Variants in HEPHL1 observed in about 807,000 individuals in gnomAD.
HEPHL1 encodes the protein hephaestin like 1.
Under a neutral mutation model 122.0 loss-of-function variants are expected in HEPHL1, and 123 were observed. The observed-to-expected ratio is 1.01, with a 90% confidence interval of 0.87 to 1.17. The LOEUF is 1.17. Among genes scored for constraint, HEPHL1 ranks in the 50% most tolerant of loss-of-function variants. The pLI is 0.00. For synonymous variants in HEPHL1, 527 were observed against 508.9 expected, an observed-to-expected ratio of 1.04 and a Z score of -0.48; for missense variants, 1,452 against 1,430.5, an observed-to-expected ratio of 1.01 and a Z score of -0.24.
At chr11:94,106,498 T>C (rs1222579537) in intron 17 of HEPHL1, among the ~76,000 whole-genome samples, 1 of 152,028 alleles carries the variant, frequency 6.6e-6, no homozygotes, top group Non-Finnish European at 1.5e-5. Context: ...GGTTTCACCA[T>C]GTTAGCCAGG....
At chr11:94,095,008 G>T (rs547420839) in intron 13 of HEPHL1, among the ~76,000 whole-genome samples, 3 of 151,980 alleles carry the variant, frequency 2.0e-5, no homozygotes, top group Non-Finnish European at 4.4e-5. Context: ...AATTAGATAC[G>T]ATTTGTCAAT....
chr11:94,111,611 G>A lies in HEPHL1; in HGVS notation c.3277+6G>A. The stretch of plus-strand genomic sequence containing the variant: ...AGCCACGGTGCCATCTAACGGTAAT[G>A]ATACCCTCTCCCCATGTAAATGAGT... On this transcript the variant is annotated splice_donor_region_variant and intron_variant, in intron 19 of 19. Transcript: ENST00000315765. 3 of 1,606,992 alleles carry A rather than the reference G, an allele frequency of 1.9e-6. No individual in the cohort carries two copies. Among genetic ancestry groups the A allele is most frequent in the Non-Finnish European group, 2.6e-6 (3 of 1,176,326 alleles).
At chr11:94,042,883 A>AAAAAAAACAAACAAAC (rs1555058781) in intron 1 of HEPHL1, among the ~76,000 whole-genome samples, 2 of 132,398 alleles carry the variant, frequency 1.5e-5, no homozygotes, top group African/African-American at 5.6e-5. Context: ...AATAAAAAAA[A>AAAAAAAACAAACAAAC]AAAAAAAAAA....
chr11:94,023,855 C>T (rs893137331), intron 1 of HEPHL1, among the ~76,000 whole-genome samples: 3 of 152,116 alleles, frequency 2.0e-5, no homozygotes, highest in Non-Finnish European at 2.9e-5. Flanking sequence ...TCAGTGATCC[C>T]ATCAGTGCTA....
rs568612189 is a variant in HEPHL1, at chr11:94,073,433, C to G, written c.1498C>G (p.Leu500Val). The G allele has an allele frequency of 1.0e-4, 156 of 1,553,202 alleles. No individual in the cohort carries two copies. The highest frequency in any genetic ancestry group is 9.8e-4 in the Admixed American group (50 of 51,046). ...CAAGGCATCTGATGCAGCCCCAAACCTAGATGGTAAGTCTCACTCTGGGCT... is the reference window on the plus strand; with the variant it reads ...CAAGGCATCTGATGCAGCCCCAAACGTAGATGGTAAGTCTCACTCTGGGCT... ...YDKASDAAPNLDGFVKPGAHV... is the reference protein window; with the variant it reads ...YDKASDAAPNVDGFVKPGAHV... The change falls in exon 8 of 20, where the codon CTA becomes GTA. Residue 500 changes from leucine (L) to valine (V), a missense_variant. Physicochemically the swap from Leu to Val is conservative, Grantham distance 32 (BLOSUM62 1). Transcript: ENST00000315765.
chr11:94,093,547 C>G lies in HEPHL1; in HGVS notation c.2341C>G (p.Gln781Glu), dbSNP rs779636359. The G allele has an allele frequency of 6.2e-7, 1 of 1,613,684 alleles. No individual in the cohort carries two copies. Among genetic ancestry groups the G allele is most frequent in the South Asian group, 1.1e-5 (1 of 91,054 alleles). ...CCGCACTGAAAATTGGATTGGCTCT[C>G]AGTACAAGAAGGTGGTTTACAGGGA... ...MNRTENWIGS[Q>E]YKKVVYREYT... Residue 781 changes from glutamine to glutamate, a missense_variant, in exon 13 of 20, where the codon CAG becomes GAG. By Grantham distance (29) the Gln-to-Glu change is conservative. Transcript: ENST00000315765.
chr11:94,094,146 C>A lies in HEPHL1; in HGVS notation c.2434+506C>A, dbSNP rs529237927. Among the ~76,000 whole-genome samples the A allele has an allele frequency of 2.6e-5, 4 of 151,388 alleles. No individual in the cohort carries two copies. The East Asian group carries it at 7.8e-4, about 30-fold the overall frequency. On this transcript the variant is annotated intron_variant, in intron 13 of 19. Transcript: ENST00000315765. ...TATATCTCCTAATGCTATCCCTCAC[C>A]CCTGCCCCTACCCCACGACAGGCCC...
At chr11:94,068,088 T>C (rs552408717) in intron 5 of HEPHL1, among the ~76,000 whole-genome samples, 9 of 152,310 alleles carry the variant, frequency 5.9e-5, no homozygotes, top group African/African-American at 2.2e-4. Flanking sequence ...TTGCAGTCAC[T>C]ACTCTGGAGC....
chr11:94,042,847 CA>C (rs1311145676), intron 1 of HEPHL1, among the ~76,000 whole-genome samples: 1 of 92,168 alleles, frequency 1.1e-5, no homozygotes, highest in African/African-American at 3.7e-5. Context: ...GCACATTGTG[CA>C]CATGTACCCT....
At chr11:94,022,477 G>C (rs1389613009) in intron 1 of HEPHL1, among the ~76,000 whole-genome samples, 2 of 152,202 alleles carry the variant, frequency 1.3e-5, no homozygotes, top group African/African-American at 4.8e-5. Flanking sequence ...ACAGCACAGG[G>C]CCTACCAGCA....
chr11:94,042,883 A>AAAAACAAAAAAC (rs1555058774), intron 1 of HEPHL1, among the ~76,000 whole-genome samples: 2 of 132,398 alleles, frequency 1.5e-5, no homozygotes, highest in African/African-American at 2.8e-5. Context: ...AATAAAAAAA[A>AAAAACAAAAAAC]AAAAAAAAAA....
At chr11:94,037,520 C>T (rs944505098) in intron 1 of HEPHL1, among the ~76,000 whole-genome samples, 6 of 152,178 alleles carry the variant, frequency 3.9e-5, no homozygotes, top group Admixed American at 2.6e-4. Flanking sequence ...AGCTGGAGAT[C>T]TGAGAACGGG....
chr11:94,049,618 T>TAAAAAA lies in HEPHL1; in HGVS notation c.415+3712_415+3717dup, dbSNP rs3995730. Among the ~76,000 whole-genome samples, 59 of 138,354 alleles carry TAAAAAA rather than the reference T, an allele frequency of 4.3e-4. 1 individual carries two copies. The highest frequency in any genetic ancestry group is 3.7e-3 in the Middle Eastern group (1 of 272). The allele number at this position is 138,354 out of a possible 152,430, so 90.8% of individuals were successfully genotyped here. ...AAGATGAATGAATCATAGGATGTAG[T>TAAAAAA]AAAAAAAAAAAAAAAATCAATGACC... On this transcript the variant is annotated intron_variant, in intron 2 of 19. Transcript: ENST00000315765.
rs1266438042 is a variant in HEPHL1 at position 94,111,789 on chromosome 11, C to T, written c.3375C>T (p.Leu1125=). 1 of 1,586,094 alleles carries T rather than the reference C, an allele frequency of 6.3e-7. No homozygotes were observed. The highest frequency in any genetic ancestry group is 8.6e-7 in the Non-Finnish European group (1 of 1,168,042). Residue 1125 remains leucine, a synonymous_variant, in exon 20 of 20, where the codon CTC becomes CTT. Transcript: ENST00000315765. The part of the protein sequence containing the change: ...ALVILFIIGL[L]LLITTVILSL... ...TCATCCTTTTCATCATTGGACTCCT[C>T]CTTCTAATCACCACGGTGATTCTCT...
intron 2 of HEPHL1, among the ~76,000 whole-genome samples, chr11:94,053,331 G>T (rs553123778): frequency 5.3e-4 from 80 of 151,852 alleles, no homozygotes; most frequent in Non-Finnish European, 8.5e-4. Context: ...CCTGACTTTG[G>T]CAATTAGTGT....
chr11:94,021,581 C>T, intron 1 of HEPHL1, 43 bp downstream of exon 1: 6 of 1,470,502 alleles, frequency 4.1e-6, no homozygotes, highest in Non-Finnish European at 5.6e-6. Context: ...GGTTTGGCCT[C>T]TTTTTGACTT....
At chr11:94,034,765 C>G (rs1406581384) in intron 1 of HEPHL1, among the ~76,000 whole-genome samples, 2 of 152,186 alleles carry the variant, frequency 1.3e-5, no homozygotes, top group Non-Finnish European at 2.9e-5. Context: ...GGAGGGCCAG[C>G]TGAATCCGAT....
chr11:94,093,305 A>T (rs1322845461), intron 12 of HEPHL1, among the ~76,000 whole-genome samples, 196 bp from the exon 13 acceptor site: 1 of 152,046 alleles, frequency 6.6e-6, no homozygotes, highest in Non-Finnish European at 1.5e-5. Context: ...CCCATATCAG[A>T]ACTGAAGGAG....
At chr11:94,042,389 G>T (rs1309382705) in intron 1 of HEPHL1, among the ~76,000 whole-genome samples, 1 of 141,612 alleles carries the variant, frequency 7.1e-6, no homozygotes, top group Non-Finnish European at 1.5e-5. Context: ...ATACCCAAAG[G>T]ACTATAAATC....
Sources: gnomAD v4.1 joint callset for allele counts (sites outside exome capture counted in the v4.1 genomes callset) on GRCh38, gnomAD v4.1.1 for gene constraint, MANE v1.5 for transcripts, NCBI Gene and HGNC (gene_info 2026-07-23, HGNC 2026-07-21) for gene names.